The following SNX5 variants were observed in gnomAD, a reference collection of about 807,000 sequenced individuals.
SNX5 encodes the protein sorting nexin-5.
A neutral mutation model predicts 53.9 loss-of-function variants in SNX5; 31 were observed. The ratio of observed to expected loss-of-function variants is 0.58; its 90% confidence interval spans 0.43 to 0.78. SNX5 has a LOEUF of 0.78. Among genes scored for constraint, SNX5 ranks in the 30% least tolerant of loss-of-function variants. The pLI is 0.00. For synonymous variants in SNX5, 168 were observed against 171.1 expected, an observed-to-expected ratio of 0.98 and a Z score of 0.14; for missense variants, 471 against 478.8, an observed-to-expected ratio of 0.98 and a Z score of 0.15.
At chr20:17,966,188 C>T (rs987152804) in intron 1 of SNX5, among the ~76,000 whole-genome samples, 2 of 152,108 alleles carry the variant, frequency 1.3e-5, no homozygotes, top group South Asian at 2.1e-4. Context: ...AGTTCAAATA[C>T]CAGCCTGGCC....
Position 17,965,823 on chromosome 20 carries a change from G to A in SNX5, c.51+2552C>T, listed in dbSNP as rs190114926. Reference sequence around the variant, plus strand: ...AACTAAGGCGTGGGAAGCTTGATACGTCATACTTCCTCAACTTAGAAAATA... The same window carrying A: ...AACTAAGGCGTGGGAAGCTTGATACATCATACTTCCTCAACTTAGAAAATA... On this transcript the variant is annotated intron_variant, in intron 1 of 12. Coordinates refer to ENST00000377759, the MANE Select transcript of SNX5 (RefSeq NM_014426.4). 2.0e-5 allele frequency among the ~76,000 whole-genome samples: 3 copies of A among 152,208 alleles called. No individual in the cohort carries two copies. The East Asian group carries it at 5.8e-4, about 29-fold the overall frequency.
At chr20:17,963,110 A>G (rs2035484895) in intron 1 of SNX5, among the ~76,000 whole-genome samples, 1 of 152,266 alleles carries the variant, frequency 6.6e-6, no homozygotes, top group Admixed American at 6.5e-5. Flanking sequence ...AATGATCTGT[A>G]AGGATCTCCT....
intron 6 of SNX5, among the ~76,000 whole-genome samples, chr20:17,950,602 T>C (rs1053584092): frequency 2.6e-5 from 4 of 152,250 alleles, no homozygotes; most frequent in Non-Finnish European, 5.9e-5. Flanking sequence ...AGAAAATGTC[T>C]ACAGAAGAAT....
rs116326126 is a variant in SNX5, at chr20:17,956,834, T to C, written c.156+99A>G. 2.3e-3 allele frequency: 1,674 copies of C among 726,586 alleles called. 24 individuals are homozygous for C. In the African/African-American group the frequency reaches 0.026, roughly 11 times the overall value. 45.0% of individuals were successfully genotyped at this position (726,586 alleles called of 1,614,324 possible). A position where few individuals can be genotyped will look rare whatever the true frequency, so the allele number is the denominator to read the frequency against. On this transcript the variant is annotated intron_variant, in intron 2 of 12. Transcript: ENST00000377759. Reference sequence around the variant, plus strand: ...TCACTTAATAGTGCTACCCTACGAATAGCAACTGTTTCAAGCTCAGGGAAT... The same window carrying C: ...TCACTTAATAGTGCTACCCTACGAACAGCAACTGTTTCAAGCTCAGGGAAT...
At chr20:17,948,566 T>C (rs1158933374) in intron 10 of SNX5, among the ~76,000 whole-genome samples, 3 of 152,244 alleles carry the variant, frequency 2.0e-5, no homozygotes, top group Non-Finnish European at 4.4e-5. Context: ...CACATATACA[T>C]ATAACGCTTC....
chr20:17,944,721 A>G (rs891489112), intron 11 of SNX5: 4 of 151,688 alleles, frequency 2.6e-5, no homozygotes, highest in African/African-American at 9.7e-5. Flanking sequence ...AATTTTTTGT[A>G]TTTTTAGTAG....
chr20:17,967,964 TG>T (rs1160233311), intron 1 of SNX5: 3 of 394,088 alleles, frequency 7.6e-6, no homozygotes, highest in South Asian at 1.4e-4. Context: ...CAGTAAAAGG[TG>T]GGGGGAAGGA....
chr20:17,952,091 T>C (rs997351691), intron 5 of SNX5, among the ~76,000 whole-genome samples: 11 of 151,994 alleles, frequency 7.2e-5, no homozygotes, highest in Admixed American at 5.9e-4. Context: ...GGTGTGGTGG[T>C]GGGCACCTGT....
At chr20:17,956,549 C>A (rs2035358532) in intron 2 of SNX5, among the ~76,000 whole-genome samples, 1 of 152,112 alleles carries the variant, frequency 6.6e-6, no homozygotes, top group South Asian at 2.1e-4. Context: ...GTGGCTCAGG[C>A]CTGTAATCCC....
At chr20:17,966,322 T>C (rs1164169569) in intron 1 of SNX5, among the ~76,000 whole-genome samples, 2 of 151,680 alleles carry the variant, frequency 1.3e-5, no homozygotes, top group Non-Finnish European at 2.9e-5. Context: ...AAAGCGGAAG[T>C]TGCAGTGAGC....
intron 10 of SNX5, among the ~76,000 whole-genome samples, chr20:17,948,038 C>G (rs2039510458): frequency 6.6e-6 from 1 of 152,212 alleles, no homozygotes; most frequent in South Asian, 2.1e-4. Context: ...AGAAACATAA[C>G]CCTACCCTGC....
chr20:17,967,770 C>G (rs2035575761), intron 1 of SNX5: 1 of 296,952 alleles, frequency 3.4e-6, no homozygotes, highest in Non-Finnish European at 6.1e-6. Flanking sequence ...GACCTAGGGA[C>G]AGTTTACATC....
chr20:17,951,624 T>A (rs566481219), intron 5 of SNX5, 29 bp from the exon 6 acceptor site: 7 of 1,450,206 alleles, frequency 4.8e-6, no homozygotes, highest in African/African-American at 1.4e-5. Flanking sequence ...AAAGAGTTTA[T>A]ATGGTATGGA....
chr20:17,955,255 T>C (rs2035333628), intron 3 of SNX5, 110 bp downstream of exon 3: 3 of 720,804 alleles, frequency 4.2e-6, no homozygotes, highest in Non-Finnish European at 7.0e-6. Flanking sequence ...AGTAGGTAGA[T>C]GAAATCTAAC....
In SNX5 at chr20:17,968,788, G is replaced by A. The variant is rs897598937; in HGVS notation, c.-363C>T. The A allele has an allele frequency of 2.4e-5, 7 of 286,586 alleles. No individual in the cohort carries two copies. The East Asian group carries it at 3.7e-4, about 15-fold the overall frequency. 17.8% of individuals were successfully genotyped at this position (286,586 alleles called of 1,614,324 possible). The stretch of plus-strand genomic sequence containing the variant: ...ACACTCTCCCAGCAAGACGCGTCTA[G>A]AGAAAGACCGCGTTTCGGTGCGGGG... On this transcript the variant is annotated 5_prime_UTR_variant, in exon 1 of 13. Coordinates refer to ENST00000377759, the MANE Select transcript of SNX5 (RefSeq NM_014426.4).
intron 10 of SNX5, among the ~76,000 whole-genome samples, chr20:17,948,044 C>T (rs2122354947): frequency 6.6e-6 from 1 of 152,256 alleles, no homozygotes; most frequent in South Asian, 2.1e-4. Flanking sequence ...ATAACCCTAC[C>T]CTGCAAATCC....
chr20:17,952,199 G>A (rs1368532443), intron 5 of SNX5, among the ~76,000 whole-genome samples: 1 of 152,184 alleles, frequency 6.6e-6, no homozygotes, highest in Non-Finnish European at 1.5e-5. Context: ...CTCCAGCCTG[G>A]ATGACAGAGC....
intron 1 of SNX5, among the ~76,000 whole-genome samples, chr20:17,958,461 A>G (rs137967926): frequency 5.0e-4 from 76 of 152,348 alleles, no homozygotes; most frequent in African/African-American, 1.5e-3. Context: ...TAAGCACTGT[A>G]TATTTATAAT....
chr20:17,955,279 T>A, intron 3 of SNX5, 86 bp downstream of exon 3: 2 of 889,414 alleles, frequency 2.2e-6, no homozygotes, highest in Non-Finnish European at 3.5e-6. Flanking sequence ...TCACAATCCA[T>A]TAAAAAAAGT....
Sources: gnomAD v4.1 joint callset for allele counts (sites outside exome capture counted in the v4.1 genomes callset) on GRCh38, gnomAD v4.1.1 for gene constraint, MANE v1.5 for transcripts, NCBI Gene and HGNC (gene_info 2026-07-23, HGNC 2026-07-21) for gene names.